The following OCA2 variants were observed in gnomAD, a reference collection of about 807,000 sequenced individuals.
The protein encoded by OCA2 is OCA2 melanosomal transmembrane protein.
A neutral mutation model predicts 100.2 loss-of-function variants in OCA2; 77 were observed. The ratio of observed to expected loss-of-function variants is 0.77; its 90% CI spans 0.64 to 0.93. The LOEUF is 0.93. OCA2 is among the 40% of genes least tolerant of loss of function. OCA2 has a pLI of 0.00. For synonymous variants in OCA2, 432 were observed against 439.2 expected, an observed-to-expected ratio of 0.98 and a Z score of 0.21; for missense variants, 1,062 against 1,089.1, an observed-to-expected ratio of 0.98 and a Z score of 0.35.
At chr15:28,023,159 C>T (rs1029144554) in intron 5 of OCA2, among the ~76,000 whole-genome samples, 4 of 152,192 alleles carry the variant, frequency 2.6e-5, no homozygotes, top group African/African-American at 9.7e-5. Context: ...GAGCACCTGC[C>T]AGGCCCTGCT....
At chr15:27,733,057 A>G in the OCA2 span, among the ~76,000 whole-genome samples, 3 of 152,154 alleles carry the variant, frequency 2.0e-5, no homozygotes, top group African/African-American at 7.2e-5. Flanking sequence ...CCCCAAATCC[A>G]TTAGCACTCG....
At chr15:27,780,467 G>C (rs978917668) in intron 23 of OCA2, among the ~76,000 whole-genome samples, 8 of 152,196 alleles carry the variant, frequency 5.3e-5, no homozygotes, top group African/African-American at 1.7e-4. Context: ...CAAGTGCATG[G>C]AATTGATAGG....
In OCA2 at chr15:27,957,805, C is replaced by T; in HGVS notation, c.1637-70G>A. 1 of 1,570,984 alleles carries T rather than the reference C, an allele frequency of 6.4e-7. No individual in the cohort carries two copies. On this transcript the variant is annotated intron_variant, in intron 15 of 23. Coordinates refer to ENST00000354638, the MANE Select transcript of OCA2 (RefSeq NM_000275.3). The surrounding 1 kb of genome is among the most constrained non-coding windows in gnomAD (Gnocchi z 4.3). ...ATATCAGCAACACCCTCCTCTGTTC[C>T]CCACACAGTCGATGCCTGACAGAGC...
intron 21 of OCA2, among the ~76,000 whole-genome samples, chr15:27,856,353 T>C (rs990863642): frequency 6.6e-6 from 1 of 152,030 alleles, no homozygotes; most frequent in Non-Finnish European, 1.5e-5. Flanking sequence ...AAGTCTAGAG[T>C]GTAGTCAAAC....
chr15:28,051,222 C>A (rs1355128981), intron 2 of OCA2, among the ~76,000 whole-genome samples: 1 of 152,252 alleles, frequency 6.6e-6, no homozygotes, highest in Non-Finnish European at 1.5e-5. Flanking sequence ...CCACACTGTG[C>A]AGTATGCTAT....
intron 23 of OCA2, among the ~76,000 whole-genome samples, chr15:27,764,253 G>A (rs1490796594): frequency 1.3e-5 from 2 of 151,848 alleles, no homozygotes; most frequent in African/African-American, 4.8e-5. Context: ...GGAGAGGCAG[G>A]AGGGGGAGGA....
intron 23 of OCA2, among the ~76,000 whole-genome samples, chr15:27,821,718 C>T (rs927814600): frequency 6.6e-6 from 1 of 152,072 alleles, no homozygotes; most frequent in African/African-American, 2.4e-5. Context: ...AATACACATG[C>T]AGGCACACTC....
At chr15:27,719,214 G>A in the OCA2 span, among the ~76,000 whole-genome samples, 1 of 152,210 alleles carries the variant, frequency 6.6e-6, no homozygotes, top group East Asian at 1.9e-4. Flanking sequence ...GGATGAAGAT[G>A]TCTTCAGGGT....
chr15:27,769,031 C>T (rs1299746606), intron 23 of OCA2, among the ~76,000 whole-genome samples: 1 of 152,214 alleles, frequency 6.6e-6, no homozygotes, highest in Non-Finnish European at 1.5e-5. Context: ...ATACACAGGA[C>T]ACGGATGCTG....
chr15:28,069,974 C>T (rs1464496958), intron 2 of OCA2, among the ~76,000 whole-genome samples: 6 of 116,960 alleles, frequency 5.1e-5, no homozygotes, highest in South Asian at 2.8e-4. Context: ...TCTTCCCAGC[C>T]GCCATCACAT....
intron 14 of OCA2, among the ~76,000 whole-genome samples, chr15:27,972,473 A>G (rs533641159): frequency 2.6e-5 from 4 of 152,378 alleles, no homozygotes; most frequent in African/African-American, 9.6e-5. Context: ...CCAGCAGTGT[A>G]TAAGCATTCC....
intron 19 of OCA2, among the ~76,000 whole-genome samples, chr15:27,886,998 C>A (rs2037249300): frequency 1.3e-5 from 2 of 152,162 alleles, no homozygotes; most frequent in African/African-American, 4.8e-5. Context: ...TCATGGGGGG[C>A]TGCTCTTTCC....
intron 18 of OCA2, among the ~76,000 whole-genome samples, chr15:27,935,801 T>C (rs186384490): frequency 6.6e-6 from 1 of 152,358 alleles, no homozygotes; most frequent in Admixed American, 6.5e-5. Context: ...TTTGTTCTAT[T>C]TGAAACCTTG....
chr15:27,985,260 A>G, intron 12 of OCA2, 72 bp from the exon 13 acceptor site: 1 of 1,574,282 alleles, frequency 6.4e-7, no homozygotes, highest in Non-Finnish European at 8.7e-7. Context: ...GCCTTTCATT[A>G]GTGACTTTAA....
chr15:27,750,971 T>C (rs946447910), downstream of OCA2, among the ~76,000 whole-genome samples: 2 of 152,118 alleles, frequency 1.3e-5, no homozygotes, highest in African/African-American at 2.4e-5. Flanking sequence ...AGGTCATTGA[T>C]TGAAGAGAGG....
intron 2 of OCA2, among the ~76,000 whole-genome samples, chr15:28,048,851 C>G (rs981836211): frequency 1.3e-5 from 2 of 151,950 alleles, no homozygotes; most frequent in African/African-American, 2.4e-5. Flanking sequence ...ACCCAAAATA[C>G]AAAAATTAGT....
chr15:27,967,728 T>C (rs528875998), intron 14 of OCA2, among the ~76,000 whole-genome samples: 29 of 152,338 alleles, frequency 1.9e-4, no homozygotes, highest in African/African-American at 7.0e-4. Context: ...TTCCTTTGCC[T>C]GCCTAGGGCT....
chr15:28,062,735 G>C (rs1023804921), intron 2 of OCA2, among the ~76,000 whole-genome samples: 1 of 152,172 alleles, frequency 6.6e-6, no homozygotes, highest in Non-Finnish European at 1.5e-5. Context: ...TTTTGTATAT[G>C]ATGTGAAGTA....
chr15:27,828,852 G>T lies in OCA2; in HGVS notation c.2432+16107C>A, dbSNP rs193223966. Among the ~76,000 whole-genome samples the T allele has an allele frequency of 2.0e-5, 3 of 152,252 alleles. No individual in the cohort carries two copies. The East Asian group carries it at 5.8e-4, about 29-fold the overall frequency. ...TCAGGAAGAAGACCTGGCTCTCCGT[G>T]GCATGAAGTCAGAGCAAAGGCCAAA... is the stretch of plus-strand genomic sequence containing the variant. On this transcript the variant is annotated intron_variant, in intron 23 of 23. Transcript: ENST00000354638.
Sources: gnomAD v4.1 joint callset for allele counts (sites outside exome capture counted in the v4.1 genomes callset) on GRCh38, gnomAD v4.1.1 for gene constraint, Gnocchi (gnomAD v3.1) non-coding constraint, MANE v1.5 for transcripts, NCBI Gene and HGNC (gene_info 2026-07-23, HGNC 2026-07-21) for gene names.